Variants in TMEM45A observed in about 807,000 individuals in gnomAD.
The protein encoded by TMEM45A is transmembrane protein 45A, also known as DNA polymerase-transactivated protein 4.
Under a neutral mutation model 32.0 loss-of-function variants are expected in TMEM45A, and 25 were observed. That is an observed-to-expected ratio of 0.78 (90% CI 0.57 to 1.09). The LOEUF (loss-of-function observed/expected upper bound fraction) is 1.09. Ranked by LOEUF, TMEM45A falls within the 50% of genes least tolerant of loss-of-function variation. TMEM45A has a pLI of 0.00. For missense variants in TMEM45A, 302 were observed against 325.0 expected (o/e 0.93, Z 0.54); for synonymous variants, 122 against 114.8 (o/e 1.06, Z -0.40).
At chr3:100,539,472 T>TGTATAC (rs1559644550) in intron 1 of TMEM45A, among the ~76,000 whole-genome samples, 4 of 139,036 alleles carry the variant, frequency 2.9e-5, no homozygotes, top group Admixed American at 7.3e-5. Context: ...TATATGTATA[T>TGTATAC]GTATATGTAT....
At chr3:100,554,870 C>G (rs1274982803) in intron 1 of TMEM45A, among the ~76,000 whole-genome samples, 1 of 152,134 alleles carries the variant, frequency 6.6e-6, no homozygotes, top group African/African-American at 2.4e-5. Context: ...AGTGGTCTAA[C>G]CTCTCTAAAT....
chr3:100,570,097 T>C (rs756871886), intron 5 of TMEM45A, among the ~76,000 whole-genome samples: 14 of 152,250 alleles, frequency 9.2e-5, no homozygotes, highest in Non-Finnish European at 1.8e-4. Flanking sequence ...ATGTCTAATA[T>C]GGTAGTCACT....
intron 1 of TMEM45A, among the ~76,000 whole-genome samples, chr3:100,520,059 A>G (rs1002291685): frequency 2.6e-5 from 4 of 152,200 alleles, no homozygotes; most frequent in African/African-American, 9.7e-5. Context: ...AGGATTAAGC[A>G]GTGAAGAAAA....
At chr3:100,506,600 T>C (rs1447854968) in intron 1 of TMEM45A, among the ~76,000 whole-genome samples, 1 of 152,244 alleles carries the variant, frequency 6.6e-6, no homozygotes, top group African/African-American at 2.4e-5. Context: ...GCTTCTGAGA[T>C]AGCACTTCCT....
chr3:100,573,363 A>G (rs1706611681), intron 5 of TMEM45A: 1 of 152,074 alleles, frequency 6.6e-6, no homozygotes, highest in Non-Finnish European at 1.5e-5. Flanking sequence ...CTTTGAAGCA[A>G]TTGTGAATGG....
intron 3 of TMEM45A, among the ~76,000 whole-genome samples, 156 bp downstream of exon 3, chr3:100,557,128 G>A (rs531475348): frequency 2.0e-5 from 3 of 152,126 alleles, no homozygotes; most frequent in South Asian, 2.1e-4. Flanking sequence ...TAGGCAGGGC[G>A]CCAAAAATCT....
At chr3:100,513,494 C>G (rs1170340483) in intron 1 of TMEM45A, among the ~76,000 whole-genome samples, 29 of 149,664 alleles carry the variant, frequency 1.9e-4, no homozygotes, top group Non-Finnish European at 2.7e-4. Context: ...TAAGAGCTAT[C>G]TATGACAAAC....
chr3:100,496,221 C>T (rs529990729), intron 1 of TMEM45A, among the ~76,000 whole-genome samples: 1 of 152,296 alleles, frequency 6.6e-6, no homozygotes, highest in African/African-American at 2.4e-5. Context: ...CTCCCCGGAT[C>T]CCTGGAACAG....
At chr3:100,552,703 G>A (rs1706133427) in intron 1 of TMEM45A, among the ~76,000 whole-genome samples, 1 of 152,202 alleles carries the variant, frequency 6.6e-6, no homozygotes, top group Non-Finnish European at 1.5e-5. Context: ...AGTGGCCTTT[G>A]AGACATCAGA....
chr3:100,535,499 C>T (rs2148960697), intron 1 of TMEM45A, among the ~76,000 whole-genome samples: 1 of 152,306 alleles, frequency 6.6e-6, no homozygotes, highest in South Asian at 2.1e-4. Context: ...GCTTCAGACT[C>T]TGCTTTTGTG....
chr3:100,538,573 A>G (rs150851299), intron 1 of TMEM45A, among the ~76,000 whole-genome samples: 35 of 152,320 alleles, frequency 2.3e-4, no homozygotes, highest in African/African-American at 8.2e-4. Context: ...CAGTAATATG[A>G]TAAAAGGGAA....
chr3:100,523,058 A>C (rs1250771257), intron 1 of TMEM45A, among the ~76,000 whole-genome samples: 4 of 152,132 alleles, frequency 2.6e-5, no homozygotes, highest in African/African-American at 9.7e-5. Context: ...GCCAAACTCT[A>C]ATGCTTAGCA....
At chr3:100,509,111 T>C (rs1708118554) in intron 1 of TMEM45A, among the ~76,000 whole-genome samples, 2 of 151,996 alleles carry the variant, frequency 1.3e-5, no homozygotes, top group South Asian at 4.1e-4. Flanking sequence ...TCCATCAACT[T>C]AACAGAAAAA....
chr3:100,514,113 T>C (rs1708217963), intron 1 of TMEM45A, among the ~76,000 whole-genome samples: 5 of 152,162 alleles, frequency 3.3e-5, no homozygotes, highest in South Asian at 2.1e-4. Context: ...CTTCACAGAA[T>C]TGAAAAAACT....
rs539858590 is a variant in TMEM45A, at chr3:100,498,393, A to G, written c.-4+5465A>G. Among the ~76,000 whole-genome samples, 142 of 152,338 alleles carry G rather than the reference A, an allele frequency of 9.3e-4. 2 individuals are homozygous for G. The highest frequency in any genetic ancestry group is 3.3e-3 in the African/African-American group (139 of 41,576). On this transcript the variant is annotated intron_variant, in intron 1 of 5. Coordinates refer to ENST00000323523, the MANE Select transcript of TMEM45A (RefSeq NM_018004.3). ...CTTCATCTAATCAATTGAAGGCCTC[A>G]ATAGAAAAAGATTGAATTCCACTCA...
chr3:100,517,187 G>T (rs1708277062), intron 1 of TMEM45A, among the ~76,000 whole-genome samples: 1 of 152,120 alleles, frequency 6.6e-6, no homozygotes, highest in Non-Finnish European at 1.5e-5. Context: ...CACAATCTGG[G>T]ATTATTGCAA....
At chr3:100,507,040 G>A (rs1359747766) in intron 1 of TMEM45A, among the ~76,000 whole-genome samples, 2 of 152,174 alleles carry the variant, frequency 1.3e-5, no homozygotes, top group African/African-American at 4.8e-5. Flanking sequence ...GGAGTGTTCT[G>A]GGATCATGCA....
At chr3:100,531,399 T>A (rs748443214) in intron 1 of TMEM45A, among the ~76,000 whole-genome samples, 1 of 152,236 alleles carries the variant, frequency 6.6e-6, no homozygotes, top group Non-Finnish European at 1.5e-5. Flanking sequence ...TAAGTATATC[T>A]GGATCACCTA....
intron 4 of TMEM45A, among the ~76,000 whole-genome samples, chr3:100,561,366 A>T (rs1456140215): frequency 2.6e-5 from 4 of 152,194 alleles, no homozygotes; most frequent in African/African-American, 9.7e-5. Flanking sequence ...TGAACTGTGT[A>T]TAGAGGGATT....
Sources: gnomAD v4.1 joint callset for allele counts (sites outside exome capture counted in the v4.1 genomes callset) on GRCh38, gnomAD v4.1.1 for gene constraint, MANE v1.5 for transcripts, NCBI Gene and HGNC (gene_info 2026-07-23, HGNC 2026-07-21) for gene names.